TPM3: variants seen among roughly 807,000 people sequenced by gnomAD.
The protein encoded by TPM3 is tropomyosin alpha-3 chain.
A neutral mutation model predicts 43.1 loss-of-function variants in TPM3; 16 were observed. That is an observed-to-expected ratio of 0.37 (90% confidence interval 0.25 to 0.56). The LOEUF is 0.56. TPM3 is among the 20% of genes least tolerant of loss of function. The pLI is 0.77. For missense variants in TPM3, 176 were observed against 337.2 expected (o/e 0.52, Z 3.74); for synonymous variants, 101 against 116.9 (o/e 0.86, Z 0.88).
chr1:154,159,683 G>C (rs569142946), downstream of TPM3, among the ~76,000 whole-genome samples: 1 of 152,132 alleles, frequency 6.6e-6, no homozygotes, highest in Non-Finnish European at 1.5e-5. Context: ...GCAAATTACT[G>C]GTATAAGCTA....
intron 8 of TPM3, 99 bp from the exon 9 acceptor site, chr1:154,169,482 G>C: frequency 8.1e-7 from 1 of 1,237,200 alleles, no homozygotes; most frequent in Non-Finnish European, 1.2e-6. Flanking sequence ...AGGAAAGTGT[G>C]ACTGTGGGTC....
intron 2 of TPM3, chr1:154,178,076 G>A: frequency 2.1e-6 from 2 of 939,910 alleles, no homozygotes; most frequent in Non-Finnish European, 2.5e-6. Context: ...CAGGCTATCA[G>A]GCAAGACCTA....
At chr1:154,187,587 ATG>A in intron 2 of TPM3, 1 of 779,756 alleles carries the variant, frequency 1.3e-6, no homozygotes, top group Non-Finnish European at 1.6e-6. Flanking sequence ...GAGGGGTGCT[ATG>A]TGTGTGTATG....
rs553121063 is a variant in TPM3 at position 154,166,124 on chromosome 1, C to T, written c.*1813G>A. The stretch of plus-strand genomic sequence containing the variant: ...CTGAACCTTAATCTCAAAGGCTATG[C>T]GGCAGTAAGAAATGGAATGGACAAA... On this transcript the variant is annotated 3_prime_UTR_variant, in exon 10 of 10. Coordinates refer to ENST00000651641, the MANE Select transcript of TPM3 (RefSeq NM_152263.4). 3 of 224,396 alleles carry T rather than the reference C, an allele frequency of 1.3e-5. No individual in the cohort carries two copies. Among genetic ancestry groups the T allele is most frequent in the South Asian group, 1.8e-4 (1 of 5,454 alleles). The allele number at this position is 224,396 out of a possible 1,614,324, so 13.9% of individuals were successfully genotyped here.
intron 8 of TPM3, 36 bp downstream of exon 8, chr1:154,170,364 A>C (rs1421199158): frequency 5.6e-6 from 9 of 1,605,614 alleles, no homozygotes; most frequent in Non-Finnish European, 6.0e-6. Flanking sequence ...CTTCCTCTAT[A>C]TTTCTCTATT....
chr1:154,163,629 T>C lies in TPM3; in HGVS notation c.*4308A>G, dbSNP rs1660622316. On this transcript the variant is annotated 3_prime_UTR_variant, in exon 10 of 10. Transcript: ENST00000651641. ...TGGTTCCTCCTCTTACATAACGTTTTCCTCATTGTTTAATTTTTTTTTGAG... is the reference window on the plus strand; with the variant it reads ...TGGTTCCTCCTCTTACATAACGTTTCCCTCATTGTTTAATTTTTTTTTGAG... Among the ~76,000 whole-genome samples the C allele has an allele frequency of 6.6e-6, 1 of 152,072 alleles. No individual in the cohort carries two copies. The highest frequency in any genetic ancestry group is 1.5e-5 in the Non-Finnish European group (1 of 68,008).
At chr1:154,184,530 AAAAT>A (rs1663309897) in intron 2 of TPM3, among the ~76,000 whole-genome samples, 2 of 151,788 alleles carry the variant, frequency 1.3e-5, no homozygotes, top group Non-Finnish European at 2.9e-5. Context: ...CTCATCTCTA[AAAAT>A]AAATAAATAA....
In TPM3 at chr1:154,166,733, A is replaced by G; in HGVS notation, c.*1204T>C. Reference sequence around the variant, plus strand: ...GAGTCTCTCTGTTGCCCAGGCTGGAATGCAGTGGCGCGATCTCCGCTCACT... The same window carrying G: ...GAGTCTCTCTGTTGCCCAGGCTGGAGTGCAGTGGCGCGATCTCCGCTCACT... On this transcript the variant is annotated 3_prime_UTR_variant, in exon 10 of 10. Coordinates refer to ENST00000651641, the MANE Select transcript of TPM3 (RefSeq NM_152263.4). 1.0e-6 allele frequency: 1 copy of G among 978,292 alleles called. No individual in the cohort carries two copies. Among genetic ancestry groups the G allele is most frequent in the South Asian group, 4.7e-5 (1 of 21,136 alleles). The allele number at this position is 978,292 out of a possible 1,614,324, so 60.6% of individuals were successfully genotyped here.
intron 3 of TPM3, 53 bp downstream of exon 3, chr1:154,176,062 C>G (rs932016418): frequency 1.1e-4 from 178 of 1,610,966 alleles, no homozygotes; most frequent in Non-Finnish European, 1.5e-4. Context: ...AAATCTTGAT[C>G]AGAACTATTA....
intron 2 of TPM3, chr1:154,183,635 A>G (rs1237864708): frequency 5.3e-6 from 1 of 187,736 alleles, no homozygotes; most frequent in Non-Finnish European, 1.2e-5. Flanking sequence ...AAACCAAGTT[A>G]TAAGAAAAGT....
chr1:154,165,387 A>G lies in TPM3; in HGVS notation c.*2550T>C, dbSNP rs1051359263. Among the ~76,000 whole-genome samples the G allele has an allele frequency of 2.6e-5, 4 of 152,120 alleles. No individual in the cohort carries two copies. Among genetic ancestry groups the G allele is most frequent in the Non-Finnish European group, 4.4e-5 (3 of 68,020 alleles). ...GGTGACAGAGCGAGACTCCATCTCA[A>G]AAAGAGAAAAATAAATAAATAATGG... On this transcript the variant is annotated 3_prime_UTR_variant, in exon 10 of 10. Coordinates refer to ENST00000651641, the MANE Select transcript of TPM3 (RefSeq NM_152263.4).
rs540104536 is a variant in TPM3, at chr1:154,187,234, A to G, written c.243+3952T>C. 2.5e-5 allele frequency: 21 copies of G among 841,074 alleles called. 1 individual carries two copies. The African/African-American group carries it at 4.0e-4, about 16-fold the overall frequency. 52.1% of individuals were successfully genotyped at this position (841,074 alleles called of 1,614,324 possible). A position where few individuals can be genotyped will look rare whatever the true frequency, so the allele number is the denominator to read the frequency against. Reference sequence around the variant, plus strand: ...CAGAGAGATAAGAAAGCCAGTAGACAGTATGTACAAGAATGAGCATGACTG... The same window carrying G: ...CAGAGAGATAAGAAAGCCAGTAGACGGTATGTACAAGAATGAGCATGACTG... On this transcript the variant is annotated intron_variant, in intron 2 of 9. Transcript: ENST00000651641.
chr1:154,183,483 T>A, intron 2 of TPM3: 1 of 453,066 alleles, frequency 2.2e-6, no homozygotes, highest in South Asian at 2.1e-5. Context: ...TTGGCCCCTT[T>A]GCAGGTAGTC....
chr1:154,169,565 A>AC, intron 8 of TPM3, 182 bp from the exon 9 acceptor site: 1 of 638,226 alleles, frequency 1.6e-6, no homozygotes. Context: ...CTCTCCTATG[A>AC]CCAACTTCCT....
intron 2 of TPM3, among the ~76,000 whole-genome samples, chr1:154,189,874 A>C (rs1254821981): frequency 6.6e-6 from 1 of 152,022 alleles, no homozygotes; most frequent in Non-Finnish European, 1.5e-5. Flanking sequence ...TGAGGATCCG[A>C]AAGCATTTAT....
chr1:154,175,382 C>T (rs1662191378), intron 3 of TPM3, among the ~76,000 whole-genome samples: 1 of 151,324 alleles, frequency 6.6e-6, no homozygotes, highest in African/African-American at 2.4e-5. Context: ...AACATCAATG[C>T]CCAGACCCCT....
chr1:154,191,819 G>A, intron 1 of TPM3, 83 bp downstream of exon 1: 1 of 1,579,186 alleles, frequency 6.3e-7, no homozygotes, highest in African/African-American at 1.3e-5. Context: ...GACACCAGTA[G>A]TCACTGTCTT....
downstream of TPM3, chr1:154,157,017 C>T (rs1196577075): frequency 5.0e-6 from 1 of 201,134 alleles, no homozygotes; most frequent in East Asian, 7.7e-5. Context: ...ATAGAAATAA[C>T]ATTATCCAAA....
downstream of TPM3, among the ~76,000 whole-genome samples, chr1:154,161,478 C>A (rs1241878252): frequency 1.4e-5 from 2 of 147,630 alleles, no homozygotes; most frequent in Non-Finnish European, 3.0e-5. Flanking sequence ...TCTTGTTGCC[C>A]AGGTTGGAGT....
Sources: allele counts gnomAD v4.1 joint callset (sites outside exome capture counted in the v4.1 genomes callset), GRCh38; gene constraint gnomAD v4.1.1; transcripts MANE v1.5; gene names NCBI Gene and HGNC (gene_info 2026-07-23, HGNC 2026-07-21).